Variants in KANSL1 observed in about 807,000 individuals in gnomAD.
KANSL1 encodes the protein MLL1/MLL complex subunit KANSL1.
Under a neutral mutation model 103.6 loss-of-function variants are expected in KANSL1, and 22 were observed. That is an observed-to-expected ratio of 0.21 (90% CI 0.15 to 0.30). The LOEUF (loss-of-function observed/expected upper bound fraction) is 0.30, where lower values mean the gene tolerates loss of function less well. KANSL1 is among the 10% of genes least tolerant of loss of function. The pLI is 1.00. For missense variants in KANSL1, 1,337 were observed against 1,399.8 expected (o/e 0.96, Z 0.72); for synonymous variants, 600 against 527.6 (o/e 1.14, Z -1.88).
At chr17:46,096,562 C>T (rs1348172959) in intron 2 of KANSL1, among the ~76,000 whole-genome samples, 4 of 151,936 alleles carry the variant, frequency 2.6e-5, no homozygotes, top group South Asian at 2.1e-4. Context: ...TCAGGGGATC[C>T]GCCCACCTCG....
In KANSL1 at chr17:46,193,356, T is replaced by TGGCGGCGGC. The variant is rs778768994; in HGVS notation, c.-632_-624dup. On this transcript the variant is annotated 5_prime_UTR_variant, in exon 1 of 15. Transcript: ENST00000432791. ...CCGGCTCGGCGAGCGGTGGCGGCGGTGGCGGCGGCACTGGGAAAATGGCGG... is the reference window on the plus strand; with the variant it reads ...CCGGCTCGGCGAGCGGTGGCGGCGGTGGCGGCGGCGGCGGCGGCACTGGGAAAATGGCGG... 0.13 allele frequency: 20,767 copies of TGGCGGCGGC among 154,014 alleles called. 524 individuals are homozygous for TGGCGGCGGC. Among genetic ancestry groups the TGGCGGCGGC allele is most frequent in the Middle Eastern group, 0.22 (69 of 308 alleles). The allele number at this position is 154,014 out of a possible 1,614,324, so 9.5% of individuals were successfully genotyped here. A position where few individuals can be genotyped will look rare whatever the true frequency, so the allele number is the denominator to read the frequency against.
chr17:46,096,311 C>CTTTTTTTTCTTTTTTTTT (rs2042069609), intron 2 of KANSL1, among the ~76,000 whole-genome samples: 1 of 76,408 alleles, frequency 1.3e-5, no homozygotes, highest in African/African-American at 5.6e-5. Flanking sequence ...GCTTTTTTTT[C>CTTTTTTTTCTTTTTTTTT]TTTTTTTTTT....
At chr17:46,185,687 A>T (rs905415098) in intron 1 of KANSL1, among the ~76,000 whole-genome samples, 1 of 62,052 alleles carries the variant, frequency 1.6e-5, no homozygotes, top group African/African-American at 5.0e-5. Flanking sequence ...ATACACACAC[A>T]TATATACACA....
At chr17:46,046,707 C>T (rs971894096) in intron 7 of KANSL1, among the ~76,000 whole-genome samples, 22 of 150,878 alleles carry the variant, frequency 1.5e-4, no homozygotes, top group African/African-American at 5.1e-4. Flanking sequence ...CGTGGTGGCG[C>T]GTGCCTGTAG....
chr17:46,209,955 A>G (rs2048102909), intron 1 of KANSL1, among the ~76,000 whole-genome samples: 1 of 152,196 alleles, frequency 6.6e-6, no homozygotes, highest in African/African-American at 2.4e-5. Flanking sequence ...CATATTAGGT[A>G]CTCAATAAGT....
intron 2 of KANSL1, among the ~76,000 whole-genome samples, chr17:46,103,604 C>T (rs1270548401): frequency 3.3e-5 from 5 of 152,214 alleles, no homozygotes; most frequent in African/African-American, 1.2e-4. Context: ...TCGTAACACG[C>T]TCCTCCTCAT....
At chr17:46,050,497 C>A in intron 7 of KANSL1, 36 bp downstream of exon 7, 1 of 1,595,928 alleles carries the variant, frequency 6.3e-7, no homozygotes, top group Non-Finnish European at 8.6e-7. Context: ...TCTCAAGTTT[C>A]TTTCATTAGA....
At chr17:46,172,265 T>A in intron 1 of KANSL1, 33 bp from the exon 2 acceptor site, 1 of 946,822 alleles carries the variant, frequency 1.1e-6, no homozygotes, top group Non-Finnish European at 1.5e-6. Context: ...ATATTAGAAA[T>A]ACAAGCACTT....
intron 2 of KANSL1, among the ~76,000 whole-genome samples, chr17:46,100,577 A>T (rs141983915): frequency 1.3e-5 from 2 of 152,220 alleles, no homozygotes; most frequent in Admixed American, 6.5e-5. Flanking sequence ...TTAGTTCTTT[A>T]AAGTTATTAA....
intron 1 of KANSL1, among the ~76,000 whole-genome samples, chr17:46,185,660 T>C (rs1452720609): frequency 3.4e-5 from 5 of 149,160 alleles, no homozygotes; most frequent in African/African-American, 1.0e-4. Context: ...ATTAAACATA[T>C]ATATATACAC....
chr17:46,040,056 T>C, intron 7 of KANSL1, 172 bp from the exon 8 acceptor site: 2 of 530,858 alleles, frequency 3.8e-6, no homozygotes, highest in South Asian at 3.2e-5. Context: ...ATTCTTCTAT[T>C]TGCAAGCAGG....
intron 2 of KANSL1, among the ~76,000 whole-genome samples, chr17:46,170,064 C>T (rs2046201347): frequency 1.3e-5 from 2 of 152,160 alleles, no homozygotes; most frequent in Admixed American, 1.3e-4. Context: ...ATCACCTGAA[C>T]CCAGGAGCCA....
Position 46,056,635 on chromosome 17 carries a change from T to C in KANSL1, c.1849-5931A>G, listed in dbSNP as rs552831763. On this transcript the variant is annotated intron_variant, in intron 6 of 14. Transcript: ENST00000432791. ...GATAGAACATTTACCATCAAAGATC[T>C]TGATTTCAAAATTCTAGCTTCTTAA... is the stretch of plus-strand genomic sequence containing the variant. Among the ~76,000 whole-genome samples, 5 of 152,278 alleles carry C rather than the reference T, an allele frequency of 3.3e-5. No individual in the cohort carries two copies. In the East Asian group the frequency reaches 7.7e-4, roughly 23 times the overall value.
chr17:46,056,903 T>C (rs545715946), intron 6 of KANSL1, among the ~76,000 whole-genome samples: 38 of 152,346 alleles, frequency 2.5e-4, no homozygotes, highest in African/African-American at 8.7e-4. Flanking sequence ...TCTGTCCTCA[T>C]GGTGCATGTG....
intron 2 of KANSL1, among the ~76,000 whole-genome samples, chr17:46,095,333 A>G (rs1251749663): frequency 6.6e-6 from 1 of 152,244 alleles, no homozygotes; most frequent in African/African-American, 2.4e-5. Flanking sequence ...AAACAGATCT[A>G]AAAGTTCACA....
intron 2 of KANSL1, among the ~76,000 whole-genome samples, chr17:46,105,616 A>AG (rs199816331): frequency 0.14 from 21,468 of 151,414 alleles, 2,092 homozygotes; most frequent in Non-Finnish European, 0.22. Context: ...ACCCTGTCTC[A>AG]AAAAAACAAA....
At chr17:46,137,708 AT>A (rs1393647534) in intron 2 of KANSL1, among the ~76,000 whole-genome samples, 8 of 151,724 alleles carry the variant, frequency 5.3e-5, no homozygotes, top group Non-Finnish European at 2.9e-5. Flanking sequence ...CTAAAAAAAA[AT>A]ACAAAAAATT....
At chr17:46,161,028 C>G (rs1041356747) in intron 2 of KANSL1, among the ~76,000 whole-genome samples, 1 of 152,112 alleles carries the variant, frequency 6.6e-6, no homozygotes, top group Non-Finnish European at 1.5e-5. Flanking sequence ...CTCTTTATAA[C>G]TAAAGAGCTA....
intron 1 of KANSL1, among the ~76,000 whole-genome samples, chr17:46,176,159 A>T (rs1339559496): frequency 2.0e-5 from 3 of 152,240 alleles, no homozygotes; most frequent in Non-Finnish European, 4.4e-5. Flanking sequence ...GCACTACAGT[A>T]AGACTTAGCA....
Sources: allele counts gnomAD v4.1 joint callset (sites outside exome capture counted in the v4.1 genomes callset), GRCh38; gene constraint gnomAD v4.1.1; transcripts MANE v1.5; gene names NCBI Gene and HGNC (gene_info 2026-07-23, HGNC 2026-07-21).